Variants in HOXA4 observed in about 807,000 individuals in gnomAD.
HOXA4 encodes the protein homeobox A4, also known as homeobox protein Hox-A4.
A neutral mutation model predicts 25.3 loss-of-function variants in HOXA4; 31 were observed. That is an observed-to-expected ratio of 1.22 (90% CI 0.92 to 1.65). The LOEUF (loss-of-function observed/expected upper bound fraction) is 1.65, where lower values mean the gene tolerates loss of function less well. Among genes scored for constraint, HOXA4 ranks in the 40% most tolerant of loss-of-function variants. The pLI, the probability that HOXA4 is intolerant of heterozygous loss-of-function variation, is 0.00. For synonymous variants in HOXA4, 225 were observed against 207.7 expected (o/e 1.08, Z -0.72); for missense variants, 459 against 446.0 (o/e 1.03, Z -0.26).
Position 27,129,077 on chromosome 7 carries a change from G to A in HOXA4, c.*148C>T. 1.4e-6 allele frequency: 1 copy of A among 708,470 alleles called. No homozygotes were observed. Among genetic ancestry groups the A allele is most frequent in the Non-Finnish European group, 2.5e-6 (1 of 392,894 alleles). The allele number at this position is 708,470 out of a possible 1,614,324, so 43.9% of individuals were successfully genotyped here. The stretch of plus-strand genomic sequence containing the variant: ...CAGCACAGACTCTTAACCGGATAAT[G>A]TCTTCTTTTTGATTATTCTTTTCAC... On this transcript the variant is annotated 3_prime_UTR_variant, in exon 2 of 2. Coordinates refer to ENST00000360046, the MANE Select transcript of HOXA4 (RefSeq NM_002141.5).
At position 27,130,551 on chromosome 7, in the gene HOXA4, A is replaced by G. The variant is rs1022626778; in HGVS notation, c.183T>C (p.Pro61=). The G allele has an allele frequency of 7.2e-7, 1 of 1,390,892 alleles. No individual in the cohort carries two copies. Among genetic ancestry groups the G allele is most frequent in the Non-Finnish European group, 9.4e-7 (1 of 1,068,490 alleles). 86.2% of individuals were successfully genotyped at this position (1,390,892 alleles called of 1,614,324 possible). The change falls in exon 1 of 2, where the codon CCT becomes CCC. Residue 61 remains proline (P), a synonymous_variant. Coordinates refer to ENST00000360046, the MANE Select transcript of HOXA4 (RefSeq NM_002141.5). ...QHLPLQQPQL[P]HAGGGREPTA... ...TGGGCTCTCGGCCGCCGCCCGCGTG[A>G]GGGAGCTGGGGCTGCTGCAGCGGCA...
In HOXA4 at chr7:27,130,519, G is replaced by A. The variant is rs753165957; in HGVS notation, c.215C>T (p.Ser72Phe). Residue 72 changes from serine (S) to phenylalanine (F), a missense_variant, in exon 1 of 2, where the codon TCC (serine) becomes TTC (phenylalanine). By Grantham distance (155) the Ser-to-Phe change is radical. Coordinates refer to ENST00000360046, the MANE Select transcript of HOXA4 (RefSeq NM_002141.5). ...GCGGGCGGTCCGCGGCGCGTAGTAG[G>A]AGGCAGTGGGCTCTCGGCCGCCGCC... ...HAGGGREPTA[S>F]YYAPRTAREP... 4.9e-5 allele frequency: 65 copies of A among 1,335,404 alleles called. 1 individual carries two copies. Among genetic ancestry groups the A allele is most frequent in the Middle Eastern group, 2.8e-4 (1 of 3,618 alleles). The allele number at this position is 1,335,404 out of a possible 1,614,324, so 82.7% of individuals were successfully genotyped here.
chr7:27,129,528 G>A lies in HOXA4; in HGVS notation c.660C>T (p.Thr220=). The A allele has an allele frequency of 6.2e-7, 1 of 1,614,048 alleles. No individual in the cohort carries two copies. Among genetic ancestry groups the A allele is most frequent in the Non-Finnish European group, 8.5e-7 (1 of 1,180,022 alleles). ...CCAAGACCTGCTGCCGGGTGTAGGC[G>A]GTTCGAGAGCGCTTAGGCTCCCCTC... The part of the protein sequence containing the change: ...YNGGEPKRSR[T]AYTRQQVLEL... The change falls in exon 2 of 2, where the codon ACC becomes ACT. Residue 220 remains threonine, a synonymous_variant. Transcript: ENST00000360046.
chr7:27,129,198 T>C lies in HOXA4; in HGVS notation c.*27A>G, dbSNP rs531699547. 7 of 1,299,420 alleles carry C rather than the reference T, an allele frequency of 5.4e-6. No homozygotes were observed. Among genetic ancestry groups the C allele is most frequent in the Middle Eastern group, 1.9e-4 (1 of 5,130 alleles). The allele number at this position is 1,299,420 out of a possible 1,614,324, so 80.5% of individuals were successfully genotyped here. A position where few individuals can be genotyped will look rare whatever the true frequency, so the allele number is the denominator to read the frequency against. On this transcript the variant is annotated 3_prime_UTR_variant, in exon 2 of 2. Transcript: ENST00000360046. ...AGAGAAGAGAAAAGCAGGTAAGGGA[T>C]AGAAACTGGTTAAGATCTCTAGAAG...
chr7:27,130,643 C>G lies in HOXA4; in HGVS notation c.91G>C (p.Gly31Arg). 1 of 1,595,256 alleles carries G rather than the reference C, an allele frequency of 6.3e-7. No homozygotes were observed. Among genetic ancestry groups the G allele is most frequent in the African/African-American group, 1.3e-5 (1 of 74,286 alleles). The change falls in exon 1 of 2, where the codon GGC becomes CGC. Residue 31 changes from glycine to arginine, a missense_variant. Gly to Arg is a moderately radical substitution (Grantham distance 125). Coordinates refer to ENST00000360046, the MANE Select transcript of HOXA4 (RefSeq NM_002141.5). ...CCCCCGCCCGGGCCGCCGTCTGCGC[C>G]GCCCGAGCCGCTGTGCTGCGCGTAC... ...EEYAQHSGSG[G>R]ADGGPGGGPG...
intron 1 of HOXA4, 65 bp downstream of exon 1, chr7:27,130,053 C>T: frequency 6.6e-7 from 1 of 1,511,836 alleles, no homozygotes; most frequent in Non-Finnish European, 8.9e-7. Flanking sequence ...CCCTCCTGAC[C>T]CCGACCCTCG....
chr7:27,130,612 C>G lies in HOXA4; in HGVS notation c.122G>C (p.Gly41Ala), dbSNP rs1253612763. The change falls in exon 1 of 2, where the codon GGC (glycine) becomes GCC (alanine). Residue 41 changes from glycine (G) to alanine (A), a missense_variant. By Grantham distance (60) the Gly-to-Ala change is moderately conservative. Coordinates refer to ENST00000360046, the MANE Select transcript of HOXA4 (RefSeq NM_002141.5). ...CGGGGGCGCTGGGGGCTGCTGGTAG[C>G]CGGGGCCCCCGCCCGGGCCGCCGTC... ...GADGGPGGGP[G>A]YQQPPAPPTQ... The G allele has an allele frequency of 6.5e-7, 1 of 1,547,210 alleles. No homozygotes were observed. Among genetic ancestry groups the G allele is most frequent in the Non-Finnish European group, 8.7e-7 (1 of 1,145,174 alleles).
In HOXA4 at chr7:27,130,554, G is replaced by C; in HGVS notation, c.180C>G (p.Leu60=). The change falls in exon 1 of 2, where the codon CTC becomes CTG. Residue 60 remains leucine, a synonymous_variant. Transcript: ENST00000360046. ...TQHLPLQQPQ[L]PHAGGGREPT... is the part of the protein sequence containing the mutation. ...GCTCTCGGCCGCCGCCCGCGTGAGGGAGCTGGGGCTGCTGCAGCGGCAGGT... is the reference window on the plus strand; with the variant it reads ...GCTCTCGGCCGCCGCCCGCGTGAGGCAGCTGGGGCTGCTGCAGCGGCAGGT... 7.0e-7 allele frequency: 1 copy of C among 1,423,312 alleles called. No individual in the cohort carries two copies. The highest frequency in any genetic ancestry group is 2.4e-4 in the Middle Eastern group (1 of 4,246). 88.2% of individuals were successfully genotyped at this position (1,423,312 alleles called of 1,614,324 possible). A position where few individuals can be genotyped will look rare whatever the true frequency, so the allele number is the denominator to read the frequency against.
In HOXA4 at chr7:27,130,342, T is replaced by G; in HGVS notation, c.392A>C (p.His131Pro). ...AQAKGPAHGL[H>P]ASHVLQPQLP... is the part of the protein sequence containing the mutation. ...CTGGGGCTGCAGGACGTGGCTCGCA[T>G]GCAGGCCGTGCGCTGGGCCCTTGGC... Residue 131 changes from histidine (H) to proline (P), a missense_variant, in exon 1 of 2, where the codon CAT (histidine) becomes CCT (proline). Transcript: ENST00000360046. The G allele has an allele frequency of 8.9e-7, 1 of 1,118,056 alleles. No homozygotes were observed. Among genetic ancestry groups the G allele is most frequent in the Non-Finnish European group, 1.1e-6 (1 of 915,392 alleles). The allele number at this position is 1,118,056 out of a possible 1,614,324, so 69.3% of individuals were successfully genotyped here.
rs1449816908 is a variant in HOXA4 at position 27,130,476 on chromosome 7, A to T, written c.258T>A (p.Ala86=). 7.9e-7 allele frequency: 1 copy of T among 1,260,068 alleles called. No homozygotes were observed. Among genetic ancestry groups the T allele is most frequent in the Non-Finnish European group, 1.0e-6 (1 of 1,004,464 alleles). 78.1% of individuals were successfully genotyped at this position (1,260,068 alleles called of 1,614,324 possible). ...CCCCATGCGCGGGGTACAGCGCGGC[A>T]GCAGGGTAGGCGGGCTCGCGGGCGG... ...PRTAREPAYP[A]AALYPAHGAA... is the part of the protein sequence containing the mutation. The change falls in exon 1 of 2, where the codon GCT becomes GCA. Residue 86 remains alanine, a synonymous_variant. Coordinates refer to ENST00000360046, the MANE Select transcript of HOXA4 (RefSeq NM_002141.5).
At position 27,129,572 on chromosome 7, in the gene HOXA4, C is replaced by G. The variant is rs775984563; in HGVS notation, c.617-1G>C. On this transcript the variant is annotated splice_acceptor_variant, in intron 1 of 1. Coordinates refer to ENST00000360046, the MANE Select transcript of HOXA4 (RefSeq NM_002141.5). LOFTEE classifies it high-confidence loss of function. Reference sequence around the variant, plus strand: ...TCCCCTCCGTTATAACTGGGGTTAACTGAAAACCCAGAACCCCGAAATAGA... The same window carrying G: ...TCCCCTCCGTTATAACTGGGGTTAAGTGAAAACCCAGAACCCCGAAATAGA... The G allele has an allele frequency of 5.6e-6, 9 of 1,611,976 alleles. No individual in the cohort carries two copies. The South Asian group carries it at 8.8e-5, about 16-fold the overall frequency.
At chr7:27,129,641 A>G (rs1312130642) in intron 1 of HOXA4, 70 bp from the exon 2 acceptor site, 1 of 1,558,314 alleles carries the variant, frequency 6.4e-7, no homozygotes, top group Non-Finnish European at 8.7e-7. Context: ...GGAGGAGGAG[A>G]GAGAAGGTGG....
Position 27,130,601 on chromosome 7 carries a change from G to C in HOXA4, c.133C>G (p.Pro45Ala), listed in dbSNP as rs753251578. The change falls in exon 1 of 2, where the codon CCC (proline) becomes GCC (alanine). Residue 45 changes from proline (P) to alanine (A), a missense_variant. Transcript: ENST00000360046. ...AGGTGCTGGGTCGGGGGCGCTGGGG[G>C]CTGCTGGTAGCCGGGGCCCCCGCCC... ...GPGGGPGYQQ[P>A]PAPPTQHLPL... 4.6e-5 allele frequency: 70 copies of C among 1,537,206 alleles called. 1 individual carries two copies. In the South Asian group the frequency reaches 7.6e-4, roughly 17 times the overall value.
intron 1 of HOXA4, 93 bp from the exon 2 acceptor site, chr7:27,129,664 C>T: frequency 2.3e-6 from 3 of 1,327,742 alleles, no homozygotes; most frequent in Non-Finnish European, 3.2e-6. Context: ...TGGGGAAGAG[C>T]AATTGGACAT....
chr7:27,130,727 TGGTCATTAA>T lies in HOXA4; in HGVS notation c.-3_6del. The T allele has an allele frequency of 1.9e-6, 3 of 1,605,394 alleles. No homozygotes were observed. In the South Asian group the frequency reaches 3.3e-5, roughly 18 times the overall value. ...TTGGAGTTTATCAAAAACGAGCTCA[TGGTCATTAA>T]TTTGTGAAGTGCAAAAATACTAATT... On this transcript the variant is annotated start_lost and 5_prime_UTR_variant, in exon 1 of 2. Coordinates refer to ENST00000360046, the MANE Select transcript of HOXA4 (RefSeq NM_002141.5).
chr7:27,130,201 A>G lies in HOXA4; in HGVS notation c.533T>C (p.Leu178Pro). The change falls in exon 1 of 2, where the codon CTC (leucine) becomes CCC (proline). Residue 178 changes from leucine (L) to proline (P), a missense_variant. Transcript: ENST00000360046. The part of the protein sequence containing the change: ...AGGSAPACPL[L>P]LADKSPLGLK... ...GCCCAGCGGGCTCTTGTCGGCCAAG[A>G]GCAGCGGGCACGCGGGGGCGCTGCC... 1 of 1,563,514 alleles carries G rather than the reference A, an allele frequency of 6.4e-7. No individual in the cohort carries two copies. Among genetic ancestry groups the G allele is most frequent in the Non-Finnish European group, 8.6e-7 (1 of 1,160,774 alleles).
At position 27,130,531 on chromosome 7, in the gene HOXA4, T is replaced by G. The variant is rs757498078; in HGVS notation, c.203A>C (p.Glu68Ala). ...PQLPHAGGGR[E>A]PTASYYAPRT... ...CGGCGCGTAGTAGGAGGCAGTGGGCTCTCGGCCGCCGCCCGCGTGAGGGAG... is the reference window on the plus strand; with the variant it reads ...CGGCGCGTAGTAGGAGGCAGTGGGCGCTCGGCCGCCGCCCGCGTGAGGGAG... The change falls in exon 1 of 2, where the codon GAG (glutamate) becomes GCG (alanine). Residue 68 changes from glutamate to alanine, a missense_variant. Glu to Ala is a moderately radical substitution (Grantham distance 107). Coordinates refer to ENST00000360046, the MANE Select transcript of HOXA4 (RefSeq NM_002141.5). The G allele has an allele frequency of 2.2e-6, 3 of 1,357,084 alleles. No individual in the cohort carries two copies. Among genetic ancestry groups the G allele is most frequent in the Non-Finnish European group, 9.5e-7 (1 of 1,051,124 alleles). 84.1% of individuals were successfully genotyped at this position (1,357,084 alleles called of 1,614,324 possible). A position where few individuals can be genotyped will look rare whatever the true frequency, so the allele number is the denominator to read the frequency against.
rs1201615492 is a variant in HOXA4 at position 27,130,113 on chromosome 7, C to G, written c.616+5G>C. 1 of 1,595,966 alleles carries G rather than the reference C, an allele frequency of 6.3e-7. No homozygotes were observed. The highest frequency in any genetic ancestry group is 8.5e-7 in the Non-Finnish European group (1 of 1,174,130). On this transcript the variant is annotated splice_donor_5th_base_variant and intron_variant, in intron 1 of 1. Transcript: ENST00000360046. ...CTCCCGCGCCTCCCAAGCGGCGCCA[C>G]GTACCGGCGCTGACATGGATCTTCT...
At position 27,129,393 on chromosome 7, in the gene HOXA4, G is replaced by T; in HGVS notation, c.795C>A (p.Asn265Lys). 6.2e-7 allele frequency: 1 copy of T among 1,614,178 alleles called. No homozygotes were observed. The highest frequency in any genetic ancestry group is 8.5e-7 in the Non-Finnish European group (1 of 1,180,038). Residue 265 changes from asparagine (N) to lysine (K), a missense_variant, in exon 2 of 2, where the codon AAC becomes AAA. Asn to Lys is a moderately conservative substitution (Grantham distance 94). Coordinates refer to ENST00000360046, the MANE Select transcript of HOXA4 (RefSeq NM_002141.5). ...GGTCTTTCTTCCACTTCATCCTCCG[G>T]TTCTGAAACCAGATCTTGACCTGGC... is the stretch of plus-strand genomic sequence containing the variant. ...SERQVKIWFQ[N>K]RRMKWKKDHK... is the part of the protein sequence containing the mutation.
Sources: gnomAD v4.1 joint callset for allele counts on GRCh38, gnomAD v4.1.1 for gene constraint, MANE v1.5 for transcripts, NCBI Gene and HGNC (gene_info 2026-07-23, HGNC 2026-07-21) for gene names.